The following SLC38A4 variants were observed in gnomAD, a reference collection of about 807,000 sequenced individuals.
SLC38A4 encodes solute carrier family 38 member 4, also known as sodium-coupled neutral amino acid transporter 4.
SLC38A4 carries 20 observed loss-of-function variants against 63.1 expected under a neutral mutation model. That is an observed-to-expected ratio of 0.32 (90% CI 0.22 to 0.46). The LOEUF (loss-of-function observed/expected upper bound fraction) is 0.46, where lower values mean the gene tolerates loss of function less well. SLC38A4 is among the 20% of genes least tolerant of loss of function. The pLI, the probability that SLC38A4 is intolerant of heterozygous loss-of-function variation, is 1.00. For synonymous variants in SLC38A4, 230 were observed against 225.5 expected (o/e 1.02, Z -0.18); for missense variants, 526 against 663.6 (o/e 0.79, Z 2.28).
intron 7 of SLC38A4, among the ~76,000 whole-genome samples, chr12:46,783,614 A>G (rs1201976512): frequency 6.6e-6 from 1 of 152,108 alleles, no homozygotes; most frequent in Non-Finnish European, 1.5e-5. Flanking sequence ...GATCAAATGA[A>G]CAGACTTTGC....
chr12:46,826,309 C>T (rs56048440), upstream of SLC38A4, among the ~76,000 whole-genome samples: 2 of 151,976 alleles, frequency 1.3e-5, no homozygotes, highest in Non-Finnish European at 2.9e-5. Context: ...GAAAGAGTTA[C>T]GAGTGAAAGG....
chr12:46,803,993 C>T (rs1325928120), intron 1 of SLC38A4, among the ~76,000 whole-genome samples, 199 bp from the exon 2 acceptor site: 4 of 151,906 alleles, frequency 2.6e-5, no homozygotes, highest in African/African-American at 7.3e-5. Context: ...AGAAATATTC[C>T]GTTTTCAAAA....
chr12:46,780,851 T>C (rs775625104), intron 7 of SLC38A4, among the ~76,000 whole-genome samples: 1 of 151,932 alleles, frequency 6.6e-6, no homozygotes, highest in Non-Finnish European at 1.5e-5. Context: ...AGCCCACCCA[T>C]TTGGTGAAGG....
chr12:46,819,207 T>C (rs963278175), intron 1 of SLC38A4, among the ~76,000 whole-genome samples: 29 of 151,582 alleles, frequency 1.9e-4, no homozygotes, highest in Admixed American at 1.6e-3. Context: ...GAGAAGTTAT[T>C]AACTCTGAGG....
chr12:46,783,051 T>TGCGTGC (rs1555170943), intron 7 of SLC38A4, among the ~76,000 whole-genome samples: 1 of 140,978 alleles, frequency 7.1e-6, no homozygotes. Context: ...TGTGTGTGTG[T>TGCGTGC]GTGTGTGTTA....
At chr12:46,786,612 A>G (rs778465431) in intron 5 of SLC38A4, among the ~76,000 whole-genome samples, 8 of 152,182 alleles carry the variant, frequency 5.3e-5, no homozygotes, top group Non-Finnish European at 8.8e-5. Context: ...AGGTAAGCAC[A>G]TTACAAAAGC....
chr12:46,766,845 T>A, intron 16 of SLC38A4, 43 bp from the exon 17 acceptor site: 1 of 1,367,774 alleles, frequency 7.3e-7, no homozygotes, highest in Non-Finnish European at 1.0e-6. Context: ...GAAACCATAC[T>A]TAGTACAATT....
chr12:46,796,749 C>T (rs1939015678), intron 2 of SLC38A4, among the ~76,000 whole-genome samples: 1 of 81,056 alleles, frequency 1.2e-5, no homozygotes, highest in South Asian at 3.3e-4. Flanking sequence ...TCCTAGCATC[C>T]TCCCTTGAGG....
upstream of SLC38A4, among the ~76,000 whole-genome samples, chr12:46,830,304 A>T (rs10670156): frequency 0.66 from 96,099 of 144,924 alleles, 31,377 homozygotes; most frequent in Non-Finnish European, 0.68. Context: ...TCTCTCACAC[A>T]CACACACACA....
chr12:46,799,528 C>G (rs773447461), intron 2 of SLC38A4, among the ~76,000 whole-genome samples: 1 of 151,988 alleles, frequency 6.6e-6, no homozygotes, highest in Non-Finnish European at 1.5e-5. Context: ...AACCCGGGGT[C>G]GGAGGTTGCA....
At chr12:46,831,895 A>G (rs1342817837) in intron 1 of SLC38A4, among the ~76,000 whole-genome samples, 2 of 151,860 alleles carry the variant, frequency 1.3e-5, no homozygotes, top group African/African-American at 4.8e-5. Flanking sequence ...TCCCAATACA[A>G]CCAACTCGAA....
At chr12:46,779,417 T>C (rs934317719) in intron 10 of SLC38A4, among the ~76,000 whole-genome samples, 194 bp downstream of exon 10, 6 of 152,006 alleles carry the variant, frequency 3.9e-5, no homozygotes, top group African/African-American at 1.4e-4. Flanking sequence ...AGTAGTAGCT[T>C]TGATATTCTA....
At chr12:46,788,432 C>T in intron 4 of SLC38A4, 96 bp downstream of exon 4, 1 of 985,888 alleles carries the variant, frequency 1.0e-6, no homozygotes, top group South Asian at 1.4e-5. Flanking sequence ...CTGATCAAGG[C>T]TTGGAAAATT....
intron 2 of SLC38A4, among the ~76,000 whole-genome samples, chr12:46,797,083 T>C (rs1939024843): frequency 6.6e-6 from 1 of 152,172 alleles, no homozygotes; most frequent in South Asian, 2.1e-4. Context: ...TAAAAATATG[T>C]GACATTTCAT....
At chr12:46,777,438 T>C (rs1938552349) in intron 12 of SLC38A4, among the ~76,000 whole-genome samples, 1 of 152,016 alleles carries the variant, frequency 6.6e-6, no homozygotes. Flanking sequence ...AAAACCATTC[T>C]AGAAGGAACC....
At chr12:46,792,379 G>A (rs996777689) in intron 3 of SLC38A4, among the ~76,000 whole-genome samples, 1 of 152,072 alleles carries the variant, frequency 6.6e-6, no homozygotes, top group Non-Finnish European at 1.5e-5. Flanking sequence ...CTAGGATGGG[G>A]ATTACTAGAG....
At chr12:46,784,684 A>C (rs777538859) in intron 6 of SLC38A4, 50 bp from the exon 7 acceptor site, 1 of 1,431,020 alleles carries the variant, frequency 7.0e-7, no homozygotes, top group Non-Finnish European at 9.8e-7. Context: ...TTTAATGACT[A>C]AAATATTTTT....
chr12:46,788,647 G>T (rs1413910927), intron 3 of SLC38A4, 29 bp from the exon 4 acceptor site: 4 of 1,549,324 alleles, frequency 2.6e-6, no homozygotes, highest in Non-Finnish European at 3.6e-6. Context: ...AAATAAGAAA[G>T]TGAAAACATC....
intron 1 of SLC38A4, among the ~76,000 whole-genome samples, chr12:46,821,790 C>A (rs775848938): frequency 6.6e-6 from 1 of 152,076 alleles, no homozygotes; most frequent in Admixed American, 6.6e-5. Context: ...ATAGTATGGG[C>A]ATTTTAACGA....
Sources: gnomAD v4.1 joint callset for allele counts (sites outside exome capture counted in the v4.1 genomes callset) on GRCh38, gnomAD v4.1.1 for gene constraint, MANE v1.5 for transcripts, NCBI Gene and HGNC (gene_info 2026-07-23, HGNC 2026-07-21) for gene names.